The following KIF5C variants were observed in gnomAD, a reference collection of about 807,000 sequenced individuals.
The protein encoded by KIF5C is kinesin family member 5C, also known as kinesin heavy chain isoform 5C.
A neutral mutation model predicts 125.2 loss-of-function variants in KIF5C; 18 were observed. The observed-to-expected ratio is 0.14, with a 90% CI of 0.10 to 0.21. The LOEUF (loss-of-function observed/expected upper bound fraction) is 0.21, where lower values mean the gene tolerates loss of function less well. Among genes scored for constraint, KIF5C ranks in the 10% least tolerant of loss-of-function variants. KIF5C has a pLI of 1.00. For synonymous variants in KIF5C, 405 were observed against 434.0 expected, an observed-to-expected ratio of 0.93 and a Z score of 0.83; for missense variants, 780 against 1,183.8, an observed-to-expected ratio of 0.66 and a Z score of 5.01.
chr2:148,890,089 G>A (rs1681662760), intron 1 of KIF5C, among the ~76,000 whole-genome samples: 1 of 152,086 alleles, frequency 6.6e-6, no homozygotes, highest in African/African-American at 2.4e-5. Context: ...ATCATGTTGA[G>A]TACCATTTAC....
At chr2:148,926,293 G>T (rs1156659691) in intron 2 of KIF5C, among the ~76,000 whole-genome samples, 1 of 152,218 alleles carries the variant, frequency 6.6e-6, no homozygotes, top group Non-Finnish European at 1.5e-5. Context: ...TCCTTCTGGG[G>T]TTCATGCGGC....
In KIF5C at chr2:148,978,334, GT is replaced by G. The variant is rs71406035; in HGVS notation, c.1294-560del. ...GCTTCTGTCCCTCAGCTGCCCTGAG[GT>G]TTTTTTTTTTTTTTTTTTTTTTTTT... On this transcript the variant is annotated intron_variant, in intron 12 of 25. Transcript: ENST00000435030. Among the ~76,000 whole-genome samples, 758 of 78,638 alleles carry G rather than the reference GT, an allele frequency of 9.6e-3. 9 individuals carry two copies. The highest frequency in any genetic ancestry group is 0.03 in the African/African-American group (640 of 21,454). The allele number at this position is 78,638 out of a possible 152,430, so 51.6% of individuals were successfully genotyped here.
chr2:148,989,919 G>A (rs561035303), intron 15 of KIF5C, among the ~76,000 whole-genome samples: 5 of 152,248 alleles, frequency 3.3e-5, no homozygotes, highest in Admixed American at 2.0e-4. Flanking sequence ...TGAACAGATA[G>A]TGATATGATG....
intron 1 of KIF5C, among the ~76,000 whole-genome samples, chr2:148,903,466 G>A (rs1470634037): frequency 6.6e-6 from 1 of 152,130 alleles, no homozygotes; most frequent in Non-Finnish European, 1.5e-5. Flanking sequence ...CCCTTTAACT[G>A]CTCCTTAGTG....
intron 25 of KIF5C, among the ~76,000 whole-genome samples, chr2:149,016,183 G>A (rs1051281144): frequency 6.6e-6 from 1 of 152,220 alleles, no homozygotes; most frequent in African/African-American, 2.4e-5. Flanking sequence ...TGGATGGGGA[G>A]GGAGTTGAGC....
intron 2 of KIF5C, among the ~76,000 whole-genome samples, chr2:148,925,854 G>A (rs560378211): frequency 3.3e-5 from 5 of 152,348 alleles, no homozygotes; most frequent in South Asian, 2.1e-4. Context: ...GATGAGGTGC[G>A]TTTCCATTCT....
chr2:148,923,998 G>A (rs34171488), intron 2 of KIF5C, among the ~76,000 whole-genome samples: 21 of 152,244 alleles, frequency 1.4e-4, no homozygotes, highest in African/African-American at 1.9e-4. Context: ...AAAATCAGGC[G>A]CTGACATGAT....
intron 1 of KIF5C, among the ~76,000 whole-genome samples, chr2:148,903,604 G>A (rs1007795724): frequency 4.6e-5 from 7 of 152,184 alleles, no homozygotes; most frequent in Admixed American, 2.0e-4. Context: ...TGCAGTGATC[G>A]AATGCCATGT....
At chr2:149,008,874 G>A (rs1219009105) in intron 23 of KIF5C, among the ~76,000 whole-genome samples, 1 of 152,080 alleles carries the variant, frequency 6.6e-6, no homozygotes, top group Non-Finnish European at 1.5e-5. Flanking sequence ...GATAGTTGAA[G>A]TCACTCAAAC....
At chr2:148,985,839 C>T (rs1403937607) in intron 15 of KIF5C, among the ~76,000 whole-genome samples, 1 of 152,164 alleles carries the variant, frequency 6.6e-6, no homozygotes, top group Non-Finnish European at 1.5e-5. Flanking sequence ...GCTTAGAGTA[C>T]ATGACCGCTC....
At chr2:148,965,458 T>C (rs1347454433) in intron 11 of KIF5C, among the ~76,000 whole-genome samples, 1 of 152,072 alleles carries the variant, frequency 6.6e-6, no homozygotes, top group African/African-American at 2.4e-5. Context: ...TTAAAGGTGA[T>C]TTTTCTAGGG....
At chr2:148,997,361 C>G (rs1558939546) in intron 18 of KIF5C, 21 bp downstream of exon 18, 1 of 1,613,820 alleles carries the variant, frequency 6.2e-7, no homozygotes, top group South Asian at 1.1e-5. Flanking sequence ...CTGCCCCTTC[C>G]ATCAAGCCCA....
At chr2:148,951,380 C>T (rs920885007) in intron 10 of KIF5C, among the ~76,000 whole-genome samples, 1 of 152,102 alleles carries the variant, frequency 6.6e-6, no homozygotes, top group African/African-American at 2.4e-5. Context: ...GCAGCAGGTA[C>T]GACTCCATAA....
chr2:148,970,321 C>A (rs1680862953), intron 11 of KIF5C, among the ~76,000 whole-genome samples: 1 of 152,178 alleles, frequency 6.6e-6, no homozygotes, highest in African/African-American at 2.4e-5. Flanking sequence ...TCTGCCAAGC[C>A]TACAAAGTTG....
chr2:148,993,040 G>T (rs1254232539), intron 16 of KIF5C, among the ~76,000 whole-genome samples: 2 of 152,240 alleles, frequency 1.3e-5, no homozygotes, highest in African/African-American at 4.8e-5. Flanking sequence ...TGATGGAACT[G>T]TTAGATGCCG....
At chr2:148,956,575 A>G (rs990981277) in intron 10 of KIF5C, among the ~76,000 whole-genome samples, 2 of 152,228 alleles carry the variant, frequency 1.3e-5, no homozygotes, top group African/African-American at 4.8e-5. Context: ...ATCATATATC[A>G]TTAAAGTAGT....
chr2:148,875,434 T>G lies in KIF5C; in HGVS notation c.-184T>G, dbSNP rs1681150888. On this transcript the variant is annotated 5_prime_UTR_variant, in exon 1 of 26. Transcript: ENST00000435030. Reference sequence around the variant, plus strand: ...GCCGGAGCGGAGAAGCTGCCCACCTTCCCGGGCTCGGAGCGGCCGGGGCTG... The same window carrying G: ...GCCGGAGCGGAGAAGCTGCCCACCTGCCCGGGCTCGGAGCGGCCGGGGCTG... The G allele has an allele frequency of 1.8e-6, 1 of 557,510 alleles. No individual in the cohort carries two copies. The highest frequency in any genetic ancestry group is 3.1e-6 in the Non-Finnish European group (1 of 318,998). The allele number at this position is 557,510 out of a possible 1,614,324, so 34.5% of individuals were successfully genotyped here.
chr2:148,962,681 G>C (rs1257184174), intron 11 of KIF5C, among the ~76,000 whole-genome samples: 3 of 152,128 alleles, frequency 2.0e-5, no homozygotes, highest in Admixed American at 2.0e-4. Context: ...TATCTGCAAG[G>C]CTGCCTTAAT....
chr2:148,957,854 G>A (rs1682835061), intron 10 of KIF5C, among the ~76,000 whole-genome samples: 1 of 151,786 alleles, frequency 6.6e-6, no homozygotes, highest in Admixed American at 6.6e-5. Flanking sequence ...CTCTCTCTTT[G>A]ACCCTCTCAG....
Sources: gnomAD v4.1 joint callset for allele counts (sites outside exome capture counted in the v4.1 genomes callset) on GRCh38, gnomAD v4.1.1 for gene constraint, MANE v1.5 for transcripts, NCBI Gene and HGNC (gene_info 2026-07-23, HGNC 2026-07-21) for gene names.